The following GRID2 variants were observed in gnomAD, a reference collection of about 807,000 sequenced individuals.
The protein encoded by GRID2 is glutamate receptor ionotropic, delta-2.
A neutral mutation model predicts 114.8 loss-of-function variants in GRID2; 33 were observed. The observed-to-expected ratio is 0.29, with a 90% CI of 0.22 to 0.38. GRID2 has a LOEUF of 0.38. Ranked by LOEUF, GRID2 falls within the 10% of genes least tolerant of loss-of-function variation. The pLI is 1.00. For missense variants in GRID2, 1,184 were observed against 1,257.7 expected (o/e 0.94, Z 0.89); for synonymous variants, 505 against 449.9 (o/e 1.12, Z -1.55).
intron 2 of GRID2, among the ~76,000 whole-genome samples, chr4:92,626,580 A>C (rs939064906): frequency 6.6e-6 from 1 of 152,082 alleles, no homozygotes; most frequent in Non-Finnish European, 1.5e-5. Flanking sequence ...GTCATGTGGA[A>C]GTGGAGCCTT....
At chr4:93,712,653 T>A (rs899914052) in intron 14 of GRID2, among the ~76,000 whole-genome samples, 4 of 152,308 alleles carry the variant, frequency 2.6e-5, no homozygotes, top group Non-Finnish European at 5.9e-5. Context: ...TGGTACGTAA[T>A]TCAGAATAAA....
chr4:92,499,500 A>G (rs966826660), intron 1 of GRID2, among the ~76,000 whole-genome samples: 1 of 152,222 alleles, frequency 6.6e-6, no homozygotes, highest in Non-Finnish European at 1.5e-5. Context: ...TGGCTCTTCT[A>G]TATTTAGAAT....
chr4:93,501,664 G>A (rs902870300), intron 12 of GRID2, among the ~76,000 whole-genome samples: 3 of 152,128 alleles, frequency 2.0e-5, no homozygotes, highest in Admixed American at 6.6e-5. Flanking sequence ...ACCTTTCAGT[G>A]AGCATTTAAT....
chr4:93,324,924 T>A (rs900651854), intron 8 of GRID2, among the ~76,000 whole-genome samples: 3 of 152,156 alleles, frequency 2.0e-5, no homozygotes, highest in African/African-American at 7.2e-5. Flanking sequence ...GATTCTTCTC[T>A]CTTTTCTTCT....
chr4:93,571,564 C>G (rs1735934008), intron 13 of GRID2, among the ~76,000 whole-genome samples: 1 of 151,870 alleles, frequency 6.6e-6, no homozygotes, highest in Non-Finnish European at 1.5e-5. Context: ...ATTTTAAAGC[C>G]TTTAATTGAA....
intron 1 of GRID2, among the ~76,000 whole-genome samples, chr4:92,525,268 C>T (rs1466445398): frequency 3.4e-5 from 5 of 149,072 alleles, no homozygotes; most frequent in African/African-American, 7.6e-5. Flanking sequence ...GATTGGTACT[C>T]GGTGAAAAAA....
chr4:93,407,825 T>TCTCCTCCTCCTC (rs141411355), intron 9 of GRID2, among the ~76,000 whole-genome samples: 1 of 117,558 alleles, frequency 8.5e-6, no homozygotes, highest in Admixed American at 8.9e-5. Context: ...TCCTCCTCCT[T>TCTCCTCCTCCTC]CTCCTCCTCC....
chr4:92,373,141 A>G (rs917650902), intron 1 of GRID2, among the ~76,000 whole-genome samples: 1 of 152,268 alleles, frequency 6.6e-6, no homozygotes. Context: ...TCTGCATTGG[A>G]TAATGTCAGG....
rs563748482 is a variant in GRID2 at position 92,643,263 on chromosome 4, T to C, written c.244+52977T>C. Among the ~76,000 whole-genome samples, 14 of 151,918 alleles carry C rather than the reference T, an allele frequency of 9.2e-5. 1 individual carries two copies. Among genetic ancestry groups the C allele is most frequent in the Admixed American group, 2.0e-4 (3 of 15,196 alleles). On this transcript the variant is annotated intron_variant, in intron 2 of 15. Transcript: ENST00000282020. ...AATGTTTTTCCATGTATTTTTGTTA[T>C]GTCTGATTTATTTCACCAGTGTTTT...
At chr4:92,444,860 T>C (rs1167737961) in intron 1 of GRID2, among the ~76,000 whole-genome samples, 1 of 152,214 alleles carries the variant, frequency 6.6e-6, no homozygotes, top group Non-Finnish European at 1.5e-5. Flanking sequence ...GTATCACTTT[T>C]GGTATTTAAA....
rs749790235 is a variant in GRID2, at chr4:92,460,032, C to CTCTCTATATATA, written c.89-130098_89-130097insCTCTATATATAT. On this transcript the variant is annotated intron_variant, in intron 1 of 15. Coordinates refer to ENST00000282020, the MANE Select transcript of GRID2 (RefSeq NM_001510.4). ...AGCCCATTCCTTAAAATAAATCTCACTATATATATATATATATATATACAC... is the reference window on the plus strand; with the variant it reads ...AGCCCATTCCTTAAAATAAATCTCACTCTCTATATATATATATATATATATATATATATACAC... Among the ~76,000 whole-genome samples, 100 of 48,438 alleles carry CTCTCTATATATA rather than the reference C, an allele frequency of 2.1e-3. 3 individuals carry two copies. Among genetic ancestry groups the CTCTCTATATATA allele is most frequent in the African/African-American group, 9.7e-3 (96 of 9,900 alleles). The allele number at this position is 48,438 out of a possible 152,430, so 31.8% of individuals were successfully genotyped here.
chr4:92,337,481 G>A (rs1297747180), intron 1 of GRID2, among the ~76,000 whole-genome samples: 1 of 152,160 alleles, frequency 6.6e-6, no homozygotes, highest in East Asian at 1.9e-4. Context: ...TAGGGCAGAG[G>A]TAGAAGCTAA....
intron 13 of GRID2, among the ~76,000 whole-genome samples, chr4:93,588,474 A>G (rs529014754): frequency 6.6e-6 from 1 of 152,296 alleles, no homozygotes; most frequent in East Asian, 1.9e-4. Context: ...TGTAAGAATG[A>G]GGATGGTTTA....
chr4:93,466,825 GT>G (rs1724322213), intron 11 of GRID2, among the ~76,000 whole-genome samples: 1 of 152,096 alleles, frequency 6.6e-6, no homozygotes, highest in Non-Finnish European at 1.5e-5. Flanking sequence ...CTATTTGATA[GT>G]TTAATATGTT....
chr4:93,682,005 G>T (rs1459804678), intron 14 of GRID2, among the ~76,000 whole-genome samples: 1 of 151,258 alleles, frequency 6.6e-6, no homozygotes, highest in Non-Finnish European at 1.5e-5. Flanking sequence ...CCTACAAAAT[G>T]GGAGAAAATT....
chr4:92,673,106 G>A (rs1157557253), intron 2 of GRID2, among the ~76,000 whole-genome samples: 3 of 152,020 alleles, frequency 2.0e-5, no homozygotes, highest in Non-Finnish European at 4.4e-5. Context: ...AATTAATCAA[G>A]TCTTCTTTTT....
chr4:93,335,302 T>C (rs28476525), intron 8 of GRID2, among the ~76,000 whole-genome samples: 38,468 of 152,094 alleles, frequency 0.25, 8,148 homozygotes, highest in African/African-American at 0.58. Context: ...GCCCATACTG[T>C]AGTGAGAGGT....
intron 2 of GRID2, among the ~76,000 whole-genome samples, chr4:92,994,929 TAGCC>T (rs1240444026): frequency 6.6e-6 from 1 of 152,166 alleles, no homozygotes; most frequent in Admixed American, 6.5e-5. Flanking sequence ...TTCACATCGA[TAGCC>T]AGCCACAGTG....
At chr4:92,476,022 T>G (rs1398163298) in intron 1 of GRID2, among the ~76,000 whole-genome samples, 1 of 143,832 alleles carries the variant, frequency 7.0e-6, no homozygotes, top group Non-Finnish European at 1.5e-5. Flanking sequence ...ATTCAGTGCT[T>G]CTTTTTTTTT....
Sources: gnomAD v4.1 joint callset for allele counts (sites outside exome capture counted in the v4.1 genomes callset) on GRCh38, gnomAD v4.1.1 for gene constraint, MANE v1.5 for transcripts, NCBI Gene and HGNC (gene_info 2026-07-23, HGNC 2026-07-21) for gene names.